ZNF808: variants seen among roughly 807,000 people sequenced by gnomAD.
ZNF808 encodes the protein zinc finger protein 808.
A neutral mutation model predicts 8.7 loss-of-function variants in ZNF808; 5 were observed. The observed-to-expected ratio is 0.58, with a 90% confidence interval of 0.30 to 1.21. The LOEUF (loss-of-function observed/expected upper bound fraction) is 1.21. Ranked by LOEUF, ZNF808 falls within the 50% of genes most tolerant of loss-of-function variation. ZNF808 has a pLI of 0.07. For missense variants in ZNF808, 1,103 were observed against 1,098.4 expected, an observed-to-expected ratio of 1.00 and a Z score of -0.06; for synonymous variants, 380 against 366.0, an observed-to-expected ratio of 1.04 and a Z score of -0.44.
Position 52,554,953 on chromosome 19 carries a change from C to T in ZNF808, c.2037C>T (p.Tyr679=), listed in dbSNP as rs768634069. The T allele has an allele frequency of 3.7e-6, 6 of 1,614,064 alleles. No individual in the cohort carries two copies. The African/African-American group carries it at 6.7e-5, about 18-fold the overall frequency. ...GACTTCATGGTGGAGAGAAATCTTA[C>T]AAATGTAAGGTTTGTGACAAGGCTT... ...HRRLHGGEKS[Y]KCKVCDKAFV... The change falls in exon 5 of 5, where the codon TAC becomes TAT. Residue 679 remains tyrosine (Y), a synonymous_variant. Transcript: ENST00000359798.
At chr19:52,561,198 CTCTCTCTCTCTCTCTATATA>C (rs1465617844), downstream of ZNF808, among the ~76,000 whole-genome samples, 497 of 52,866 alleles carry the variant, frequency 9.4e-3, 2 homozygotes, top group African/African-American at 0.012. Flanking sequence ...CTCTCTCTCT[CTCTCTCTCTCTCTCTATATA>C]TATATATATA....
At position 52,553,861 on chromosome 19, in the gene ZNF808, C is replaced by G. The variant is rs1368914054; in HGVS notation, c.945C>G (p.Tyr315Ter). 1.9e-6 allele frequency: 3 copies of G among 1,614,160 alleles called. No homozygotes were observed. The highest frequency in any genetic ancestry group is 2.2e-5 in the East Asian group (1 of 44,876). ...HHRLHTGVKP[Y>*]KCNECGKVFR... ...GACTTCATACTGGAGTAAAACCTTA[C>G]AAGTGTAATGAGTGTGGCAAGGTCT... Residue 315 changes from tyrosine (Y) to a stop codon, truncating the protein, a stop_gained, in exon 5 of 5, where the codon TAC (tyrosine) becomes TAG (stop). Transcript: ENST00000359798. LOFTEE classifies it low-confidence loss of function (END_TRUNC).
At chr19:52,543,462 A>G in intron 3 of ZNF808, 115 bp downstream of exon 3, 2 of 1,456,380 alleles carry the variant, frequency 1.4e-6, no homozygotes, top group South Asian at 1.4e-5. Context: ...AGTCTGAAGC[A>G]TTTTGCCTGA....
chr19:52,559,349 A>G (rs909000042), downstream of ZNF808, among the ~76,000 whole-genome samples: 4 of 152,216 alleles, frequency 2.6e-5, no homozygotes, highest in African/African-American at 7.2e-5. Context: ...GCACATCAAA[A>G]GCACAGCACT....
intron 2 of ZNF808, among the ~76,000 whole-genome samples, chr19:52,535,411 G>C (rs1479506019): frequency 6.6e-6 from 1 of 151,986 alleles, no homozygotes; most frequent in East Asian, 1.9e-4. Context: ...GCGGGAGGGG[G>C]TGTTACTTTG....
intron 4 of ZNF808, among the ~76,000 whole-genome samples, chr19:52,548,626 T>C (rs1281552438): frequency 7.2e-5 from 11 of 152,270 alleles, no homozygotes; most frequent in African/African-American, 2.4e-4. Context: ...AGTTTCACCA[T>C]GTTGGCCAGG....
intron 3 of ZNF808, 57 bp downstream of exon 3, chr19:52,543,404 G>A: frequency 1.3e-6 from 2 of 1,587,302 alleles, no homozygotes; most frequent in East Asian, 2.2e-5. Context: ...AAATGTAGTA[G>A]TATTATATTG....
rs142871922 is a variant in ZNF808 at position 52,546,232 on chromosome 19, G to A, written c.64-1280G>A. Among the ~76,000 whole-genome samples, 1,209 of 147,862 alleles carry A rather than the reference G, an allele frequency of 8.2e-3. 12 individuals carry two copies. Among genetic ancestry groups the A allele is most frequent in the Non-Finnish European group, 0.012 (845 of 67,656 alleles). ...AGACAGAGTATTGCTTTGTCACCCA[G>A]GCTGAAGTGCAGTGGCATGATATTG... On this transcript the variant is annotated intron_variant, in intron 3 of 4. Transcript: ENST00000359798.
At chr19:52,565,747 TTTG>T (rs893948521), downstream of ZNF808, among the ~76,000 whole-genome samples, 3 of 152,344 alleles carry the variant, frequency 2.0e-5, no homozygotes, top group African/African-American at 7.2e-5. Context: ...AATGTGATCA[TTTG>T]TTATCTCCCT....
intron 2 of ZNF808, among the ~76,000 whole-genome samples, chr19:52,539,288 G>T (rs1306088310): frequency 2.7e-4 from 40 of 149,166 alleles, no homozygotes; most frequent in African/African-American, 9.4e-4. Flanking sequence ...CTGCCTCCTG[G>T]GTTCAAGGAA....
At chr19:52,557,852 A>G (rs1282142317), downstream of ZNF808, among the ~76,000 whole-genome samples, 1 of 151,922 alleles carries the variant, frequency 6.6e-6, no homozygotes, top group African/African-American at 2.4e-5. Flanking sequence ...CCCATGTAAG[A>G]CTTCACACAC....
chr19:52,553,832 C>A lies in ZNF808; in HGVS notation c.916C>A (p.His306Asn). 6.2e-7 allele frequency: 1 copy of A among 1,614,094 alleles called. No homozygotes were observed. Among genetic ancestry groups the A allele is most frequent in the Non-Finnish European group, 8.5e-7 (1 of 1,180,016 alleles). Residue 306 changes from histidine (H) to asparagine (N), a missense_variant, in exon 5 of 5, where the codon CAT becomes AAT. His to Asn is a moderately conservative substitution (Grantham distance 68, BLOSUM62 1). Transcript: ENST00000359798. ...TTACAAGTCATCCCTTACATGCCAT[C>A]ATAGACTTCATACTGGAGTAAAACC... ...FSYKSSLTCH[H>N]RLHTGVKPYK...
intron 3 of ZNF808, among the ~76,000 whole-genome samples, chr19:52,543,566 G>A (rs531799427): frequency 1.3e-5 from 2 of 152,302 alleles, no homozygotes; most frequent in Non-Finnish European, 2.9e-5. Flanking sequence ...AACTTGGGAA[G>A]AGGCTCCACT....
chr19:52,558,017 CTTTT>C (rs66789100), downstream of ZNF808, among the ~76,000 whole-genome samples: 328 of 46,322 alleles, frequency 7.1e-3, no homozygotes, highest in African/African-American at 0.025. Context: ...CTAGGTGTGG[CTTTT>C]TTTTTTTTTT....
chr19:52,551,937 AG>A (rs2059781024), intron 4 of ZNF808, among the ~76,000 whole-genome samples: 1 of 152,140 alleles, frequency 6.6e-6, no homozygotes. Flanking sequence ...CAGCAGGCAG[AG>A]GTTGCAGTGA....
exon 4 of ZNF808, chr19:52,563,640 G>T (rs12327640): frequency 0.33 from 50,902 of 153,258 alleles, 8,906 homozygotes; most frequent in African/African-American, 0.41. Flanking sequence ...GTTTGTAAAT[G>T]AATAACTTAT....
intron 3 of ZNF808, 147 bp downstream of exon 3, chr19:52,543,494 A>G: frequency 8.2e-7 from 1 of 1,219,046 alleles, no homozygotes; most frequent in Admixed American, 2.3e-5. Context: ...GCACTCACCC[A>G]TGCCTGCCCT....
At chr19:52,548,468 G>T (rs2059744454) in intron 4 of ZNF808, among the ~76,000 whole-genome samples, 1 of 152,072 alleles carries the variant, frequency 6.6e-6, no homozygotes, top group African/African-American at 2.4e-5. Context: ...TGTTGCCCAG[G>T]CTTGAGTGCA....
downstream of ZNF808, among the ~76,000 whole-genome samples, chr19:52,560,638 T>C (rs2123225101): frequency 6.6e-6 from 1 of 152,326 alleles, no homozygotes; most frequent in East Asian, 1.9e-4. Flanking sequence ...TGCTGATTTT[T>C]TGGATCTTGT....
Sources: gnomAD v4.1 joint callset for allele counts (sites outside exome capture counted in the v4.1 genomes callset) on GRCh38, gnomAD v4.1.1 for gene constraint, MANE v1.5 for transcripts, NCBI Gene and HGNC (gene_info 2026-07-23, HGNC 2026-07-21) for gene names.